Variants in UBAP2 observed in about 807,000 individuals in gnomAD.
UBAP2 encodes the protein ubiquitin associated protein 2.
UBAP2 carries 75 observed loss-of-function variants against 139.6 expected under a neutral mutation model. The observed-to-expected ratio is 0.54, with a 90% CI of 0.45 to 0.65. The LOEUF (loss-of-function observed/expected upper bound fraction) is 0.65, where lower values mean the gene tolerates loss of function less well. Ranked by LOEUF, UBAP2 falls within the 30% of genes least tolerant of loss-of-function variation. The probability of loss-of-function intolerance (pLI) is 0.00; values close to 1 mark genes in which losing one functional copy is unlikely to be tolerated. For synonymous variants in UBAP2, 526 were observed against 526.2 expected (o/e 1.00, Z 0.01); for missense variants, 1,368 against 1,369.6 (o/e 1.00, Z 0.02).
chr9:33,986,048 T>A (rs1821179106), intron 6 of UBAP2, among the ~76,000 whole-genome samples: 1 of 151,890 alleles, frequency 6.6e-6, no homozygotes, highest in South Asian at 2.1e-4. Context: ...TTTTTGTATT[T>A]TTTTGTATTT....
chr9:33,991,063 T>C (rs1453920737), intron 4 of UBAP2, among the ~76,000 whole-genome samples: 2 of 152,080 alleles, frequency 1.3e-5, no homozygotes, highest in African/African-American at 2.4e-5. Context: ...AGCAGGAAGA[T>C]CACTTGAGGC....
At chr9:34,005,984 A>G (rs1823174285) in intron 2 of UBAP2, among the ~76,000 whole-genome samples, 1 of 152,122 alleles carries the variant, frequency 6.6e-6, no homozygotes, top group African/African-American at 2.4e-5. Flanking sequence ...TAATCCCAGC[A>G]CTTTGGGAGG....
At position 33,944,506 on chromosome 9, in the gene UBAP2, T is replaced by C. The variant is rs148382050; in HGVS notation, c.1404A>G (p.Ser468=). 10 of 1,614,084 alleles carry C rather than the reference T, an allele frequency of 6.2e-6. No homozygotes were observed. The East Asian group carries it at 2.2e-4, about 36-fold the overall frequency. The change falls in exon 14 of 29, where the codon TCA becomes TCG. Residue 468 remains serine (S), a synonymous_variant. Coordinates refer to ENST00000379238, the MANE Select transcript of UBAP2 (RefSeq NM_001370062.2). ...SFPSQAKLRE[S]TPGDSPSTVN... ...CAGTGGAGGGACTGTCTCCAGGTGT[T>C]GATTCTCGAAGTTTTGCCTGGGAAG... is the stretch of plus-strand genomic sequence containing the variant.
intron 1 of UBAP2, among the ~76,000 whole-genome samples, chr9:34,026,435 A>G (rs1825406905): frequency 6.6e-6 from 1 of 152,198 alleles, no homozygotes; most frequent in Non-Finnish European, 1.5e-5. Context: ...GGGTTCAACT[A>G]CTAAAAACAG....
chr9:33,941,836 A>G lies in UBAP2; in HGVS notation c.1742T>C (p.Met581Thr). ...TGTGGAGTTCTGTACTGCACTGGTC[A>G]TTGATAAAGATGTATTCAAAGGCTC... ...LSEPLNTSLS[M>T]TSAVQNSTYT... The change falls in exon 16 of 29, where the codon ATG becomes ACG. Residue 581 changes from methionine (M) to threonine (T), a missense_variant. Met to Thr is a moderately conservative substitution (Grantham distance 81, BLOSUM62 -1). Coordinates refer to ENST00000379238, the MANE Select transcript of UBAP2 (RefSeq NM_001370062.2). 1 of 1,613,964 alleles carries G rather than the reference A, an allele frequency of 6.2e-7. No individual in the cohort carries two copies. The highest frequency in any genetic ancestry group is 1.1e-5 in the South Asian group (1 of 91,042).
rs1172739483 is a variant in UBAP2 at position 33,953,355 on chromosome 9, T to C, written c.986A>G (p.Gln329Arg). 28 of 1,614,080 alleles carry C rather than the reference T, an allele frequency of 1.7e-5. No individual in the cohort carries two copies. The highest frequency in any genetic ancestry group is 2.3e-5 in the Non-Finnish European group (27 of 1,180,034). The change falls in exon 12 of 29, where the codon CAA becomes CGA. Residue 329 changes from glutamine to arginine, a missense_variant. By Grantham distance (43) the Gln-to-Arg change is conservative. Transcript: ENST00000379238. ...CCCTGGTGCCATCTGATTGTTGTGT[T>C]GCGAATTTGTGAAGACAAGGGCTTG... ...FGQALVFTNSQHNNQMAPGTG... is the reference protein window; with the variant it reads ...FGQALVFTNSRHNNQMAPGTG...
At chr9:34,002,422 A>T (rs1822794776) in intron 2 of UBAP2, among the ~76,000 whole-genome samples, 1 of 134,328 alleles carries the variant, frequency 7.4e-6, no homozygotes, top group African/African-American at 2.9e-5. Flanking sequence ...TCTGTCGCCC[A>T]GGCTGGAGTG....
In UBAP2 at chr9:33,963,723, T is replaced by C; in HGVS notation, c.745+3A>G. 1 of 1,589,508 alleles carries C rather than the reference T, an allele frequency of 6.3e-7. No homozygotes were observed. Among genetic ancestry groups the C allele is most frequent in the Non-Finnish European group, 8.6e-7 (1 of 1,159,214 alleles). ...TAAAAATTAAAAAATTAAGTATTCA[T>C]ACCTTTGAGTCCATAAGAACTTTTG... On this transcript the variant is annotated splice_donor_region_variant and intron_variant, in intron 9 of 28. Coordinates refer to ENST00000379238, the MANE Select transcript of UBAP2 (RefSeq NM_001370062.2).
chr9:34,020,684 G>C (rs1404720535), intron 1 of UBAP2, among the ~76,000 whole-genome samples: 1 of 147,826 alleles, frequency 6.8e-6, no homozygotes, highest in Non-Finnish European at 1.5e-5. Context: ...TTTTGAGACA[G>C]AGTCTGGCTC....
At chr9:33,954,300 A>ACACACACACACG (rs1174432443) in intron 11 of UBAP2, among the ~76,000 whole-genome samples, 1 of 150,642 alleles carries the variant, frequency 6.6e-6, no homozygotes, top group African/African-American at 2.5e-5. Flanking sequence ...ACACACACAC[A>ACACACACACACG]CGCCCATATA....
At chr9:34,012,937 G>C (rs1823890358) in intron 2 of UBAP2, among the ~76,000 whole-genome samples, 1 of 151,330 alleles carries the variant, frequency 6.6e-6, no homozygotes, top group African/African-American at 2.4e-5. Context: ...GATCACCTGA[G>C]GTCAGGAATT....
chr9:34,004,984 C>A (rs557958623), intron 2 of UBAP2, among the ~76,000 whole-genome samples: 2 of 151,250 alleles, frequency 1.3e-5, no homozygotes, highest in African/African-American at 4.9e-5. Context: ...AAACAACAGT[C>A]GGGCATGGTA....
chr9:33,936,021 C>T (rs1001800700), intron 16 of UBAP2, 143 bp from the exon 17 acceptor site: 8 of 983,072 alleles, frequency 8.1e-6, no homozygotes, highest in Non-Finnish European at 1.0e-5. Flanking sequence ...GGAAGATAAA[C>T]AACAAACTCT....
intron 1 of UBAP2, among the ~76,000 whole-genome samples, chr9:34,037,234 C>T (rs949815292): frequency 9.9e-5 from 15 of 152,184 alleles, no homozygotes; most frequent in African/African-American, 2.2e-4. Flanking sequence ...GTGATCCGCC[C>T]GCCTCGGCCC....
Position 33,948,578 on chromosome 9 carries a change from G to A in UBAP2, c.1066C>T (p.Leu356Phe). ...GCAAGCTCTCCAAATCCTGAGCCAAGGACGGATGACTTTAAAAGGGGGATA... is the reference window on the plus strand; with the variant it reads ...GCAAGCTCTCCAAATCCTGAGCCAAAGACGGATGACTTTAAAAGGGGGATA... ...SCSPQSLSSVLGSGFGELAPP... is the reference protein window; with the variant it reads ...SCSPQSLSSVFGSGFGELAPP... The change falls in exon 13 of 29, where the codon CTT (leucine) becomes TTT (phenylalanine). Residue 356 changes from leucine (L) to phenylalanine (F), a missense_variant. Coordinates refer to ENST00000379238, the MANE Select transcript of UBAP2 (RefSeq NM_001370062.2). 6.2e-7 allele frequency: 1 copy of A among 1,614,068 alleles called. No homozygotes were observed.
Position 34,038,143 on chromosome 9 carries a change from G to GAGA in UBAP2, c.-42+10681_-42+10682insTCT, listed in dbSNP as rs1826618665. Among the ~76,000 whole-genome samples, 6 of 127,226 alleles carry GAGA rather than the reference G, an allele frequency of 4.7e-5. No individual in the cohort carries two copies. In the South Asian group the frequency reaches 1.6e-3, roughly 34 times the overall value. The allele number at this position is 127,226 out of a possible 152,430, so 83.5% of individuals were successfully genotyped here. A position where few individuals can be genotyped will look rare whatever the true frequency, so the allele number is the denominator to read the frequency against. ...ATTGCACCACTGCACTCCAGCCTGG[G>GAGA]AAAAAAAAAAAAAAAAAAAAAAAAA... is the stretch of plus-strand genomic sequence containing the variant. On this transcript the variant is annotated intron_variant, in intron 1 of 28. Coordinates refer to ENST00000379238, the MANE Select transcript of UBAP2 (RefSeq NM_001370062.2).
rs555897632 is a variant in UBAP2 at position 33,960,961 on chromosome 9, T to C, written c.746-83A>G. 3.6e-6 allele frequency: 5 copies of C among 1,396,760 alleles called. No homozygotes were observed. In the Admixed American group the frequency reaches 5.1e-5, roughly 14 times the overall value. The allele number at this position is 1,396,760 out of a possible 1,614,324, so 86.5% of individuals were successfully genotyped here. A position where few individuals can be genotyped will look rare whatever the true frequency, so the allele number is the denominator to read the frequency against. ...CCAAATGATTCCTTTTTGTGTACTATGCGGGGAAAAAAGATACATACGCCT... is the reference window on the plus strand; with the variant it reads ...CCAAATGATTCCTTTTTGTGTACTACGCGGGGAAAAAAGATACATACGCCT... On this transcript the variant is annotated intron_variant, in intron 9 of 28. Transcript: ENST00000379238.
intron 1 of UBAP2, among the ~76,000 whole-genome samples, chr9:34,038,214 G>A (rs976269275): frequency 1.3e-5 from 2 of 151,550 alleles, no homozygotes; most frequent in Non-Finnish European, 2.9e-5. Flanking sequence ...ACTTTGAGAG[G>A]CTGAGGTGGG....
chr9:33,934,722 T>A (rs1017746488), intron 17 of UBAP2, among the ~76,000 whole-genome samples: 12 of 151,276 alleles, frequency 7.9e-5, no homozygotes, highest in Admixed American at 6.6e-4. Flanking sequence ...GAGAAGAGAG[T>A]ATGGGAAATG....
Sources: allele counts gnomAD v4.1 joint callset (sites outside exome capture counted in the v4.1 genomes callset), GRCh38; gene constraint gnomAD v4.1.1; transcripts MANE v1.5; gene names NCBI Gene and HGNC (gene_info 2026-07-23, HGNC 2026-07-21).